The following LAMA1 variants were observed in gnomAD, a reference collection of about 807,000 sequenced individuals.
LAMA1 encodes the protein laminin subunit alpha 1.
A neutral mutation model predicts 348.7 loss-of-function variants in LAMA1; 219 were observed. The observed-to-expected ratio is 0.63, with a 90% CI of 0.56 to 0.70. The LOEUF is 0.70. Among genes scored for constraint, LAMA1 ranks in the 30% least tolerant of loss-of-function variants. LAMA1 has a pLI of 0.00. For missense variants in LAMA1, 3,744 were observed against 3,888.0 expected (o/e 0.96, Z 0.99); for synonymous variants, 1,487 against 1,491.0 (o/e 1.00, Z 0.06).
In LAMA1 at chr18:6,966,279, A is replaced by C; in HGVS notation, c.6918T>G (p.Pro2306=). The change falls in exon 49 of 63, where the codon CCT becomes CCG. Residue 2306 remains proline, a synonymous_variant. Coordinates refer to ENST00000389658, the MANE Select transcript of LAMA1 (RefSeq NM_005559.4). ...GCFGSSQNED[P]SFHFDGSGYS... is the part of the protein sequence containing the mutation. ...ACCCACTCCCGTCAAAATGGAAGGA[A>C]GGGTCTTCATTCTGGGAGCTGCAAA... is the stretch of plus-strand genomic sequence containing the variant. The C allele has an allele frequency of 1.9e-6, 3 of 1,613,884 alleles. No homozygotes were observed. In the South Asian group the frequency reaches 3.3e-5, roughly 18 times the overall value.
At chr18:6,953,133 A>G (rs867226203) in intron 57 of LAMA1, among the ~76,000 whole-genome samples, 13 of 142,762 alleles carry the variant, frequency 9.1e-5, no homozygotes, top group African/African-American at 2.5e-4. Context: ...GCCTGTGTCC[A>G]GCGGATCCAC....
intron 57 of LAMA1, among the ~76,000 whole-genome samples, chr18:6,953,557 A>G (rs1374294050): frequency 6.6e-6 from 1 of 152,186 alleles, no homozygotes; most frequent in Admixed American, 6.5e-5. Context: ...ACTACTCTAC[A>G]GGCACAGACT....
intron 61 of LAMA1, among the ~76,000 whole-genome samples, chr18:6,946,575 C>T (rs1260866718): frequency 2.0e-5 from 3 of 151,900 alleles, no homozygotes; most frequent in Non-Finnish European, 4.4e-5. Context: ...AAAAATTAGC[C>T]GGGTGTGGTG....
In LAMA1 at chr18:6,973,084, A is replaced by T; in HGVS notation, c.6747T>A (p.Phe2249Leu). Residue 2249 changes from phenylalanine (F) to leucine (L), a missense_variant, in exon 47 of 63, where the codon TTT becomes TTA. This residue lies in a region of LAMA1 where 1,983 missense variants were observed against 1,934.3 expected (regional missense o/e 1.03). Transcript: ENST00000389658. Reference sequence around the variant, plus strand: ...TGATTTGTCCTCCAAGACCTCCAACAAACATGAGTGTTGAATTGTTTACAT... The same window carrying T: ...TGATTTGTCCTCCAAGACCTCCAACTAACATGAGTGTTGAATTGTTTACAT... ...VLDVNNSTLM[F>L]VGGLGGQIKK... 6.2e-7 allele frequency: 1 copy of T among 1,614,236 alleles called. No homozygotes were observed. Among genetic ancestry groups the T allele is most frequent in the Non-Finnish European group, 8.5e-7 (1 of 1,180,038 alleles).
intron 8 of LAMA1, 86 bp from the exon 9 acceptor site, chr18:7,042,336 T>A: frequency 2.5e-6 from 2 of 802,098 alleles, no homozygotes; most frequent in Admixed American, 4.0e-5. Flanking sequence ...ATTGGCTTTT[T>A]ACTCAAGATG....
chr18:6,948,266 A>G (rs1235915914), intron 60 of LAMA1, 137 bp downstream of exon 60: 2 of 1,164,996 alleles, frequency 1.7e-6, no homozygotes, highest in Non-Finnish European at 2.5e-6. Flanking sequence ...GAAATTAGGA[A>G]TCAACTGGAA....
rs374277637 is a variant in LAMA1 at position 6,941,952 on chromosome 18, A to G, written c.*127T>C. On this transcript the variant is annotated 3_prime_UTR_variant, in exon 63 of 63. Coordinates refer to ENST00000389658, the MANE Select transcript of LAMA1 (RefSeq NM_005559.4). ...GTGGTTTTAGTGTAACGTAAACACA[A>G]CATCTCTCCCCAGAAACACTTAACC... 8.4e-7 allele frequency: 1 copy of G among 1,191,330 alleles called. No homozygotes were observed. 73.8% of individuals were successfully genotyped at this position (1,191,330 alleles called of 1,614,324 possible).
intron 1 of LAMA1, among the ~76,000 whole-genome samples, chr18:7,111,154 CCAG>C (rs1184770393): frequency 6.6e-6 from 1 of 152,012 alleles, no homozygotes; most frequent in Non-Finnish European, 1.5e-5. Flanking sequence ...GCCTGCTGGG[CCAG>C]CAGATCAGAC....
intron 42 of LAMA1, 63 bp from the exon 43 acceptor site, chr18:6,978,441 C>T (rs529977054): frequency 4.2e-5 from 59 of 1,406,488 alleles, no homozygotes; most frequent in Admixed American, 8.4e-5. Context: ...AAGAATAAAA[C>T]GACAACAAAT....
At position 6,965,393 on chromosome 18, in the gene LAMA1, T is replaced by C. The variant is rs199509318; in HGVS notation, c.7090A>G (p.Lys2364Glu). Residue 2364 changes from lysine (K) to glutamate (E), a missense_variant, in exon 50 of 63, where the codon AAG (lysine) becomes GAG (glutamate). Coordinates refer to ENST00000389658, the MANE Select transcript of LAMA1 (RefSeq NM_005559.4). ...LSIELFRGRV[K>E]VMTDLGSGPI... The stretch of plus-strand genomic sequence containing the variant: ...CCTGAACCCAGGTCAGTCATAACCT[T>C]CACTCTGCCACGAAACAGCTCGATG... 1.9e-5 allele frequency: 31 copies of C among 1,614,046 alleles called. No individual in the cohort carries two copies. Among genetic ancestry groups the C allele is most frequent in the Non-Finnish European group, 2.5e-5 (29 of 1,180,034 alleles).
chr18:7,069,193 A>G, intron 3 of LAMA1, among the ~76,000 whole-genome samples: 1 of 152,226 alleles, frequency 6.6e-6, no homozygotes, highest in East Asian at 1.9e-4. Flanking sequence ...GATAATATGT[A>G]AGCGAGAAAG....
intron 3 of LAMA1, among the ~76,000 whole-genome samples, chr18:7,058,602 A>G (rs2058091329): frequency 6.6e-6 from 1 of 152,206 alleles, no homozygotes; most frequent in African/African-American, 2.4e-5. Context: ...TGGTGTCATA[A>G]GAAAAGCAGA....
chr18:7,071,291 C>G (rs2058144903), intron 3 of LAMA1, among the ~76,000 whole-genome samples: 1 of 152,226 alleles, frequency 6.6e-6, no homozygotes, highest in Admixed American at 6.5e-5. Flanking sequence ...GAGGCGATCA[C>G]TCGCATTCCA....
At chr18:7,078,817 T>C (rs555010312) in intron 3 of LAMA1, among the ~76,000 whole-genome samples, 4 of 151,874 alleles carry the variant, frequency 2.6e-5, no homozygotes, top group African/African-American at 9.6e-5. Flanking sequence ...TGAAATCCTG[T>C]CTACTAAAAA....
chr18:6,943,503 G>A, intron 61 of LAMA1, 101 bp from the exon 62 acceptor site: 7 of 949,918 alleles, frequency 7.4e-6, no homozygotes, highest in South Asian at 6.6e-5. Context: ...TGTTTAAAAG[G>A]AGAGCTAACT....
At chr18:6,957,785 C>CTTTTTTTTTTTTT (rs58835769) in intron 55 of LAMA1, among the ~76,000 whole-genome samples, 1 of 150,760 alleles carries the variant, frequency 6.6e-6, no homozygotes, top group African/African-American at 2.5e-5. Flanking sequence ...GCTTCCAGTT[C>CTTTTTTTTTTTTT]TTTTTTTTTC....
chr18:6,974,840 T>A (rs114092388), intron 46 of LAMA1, 63 bp downstream of exon 46: 17,206 of 1,590,904 alleles, frequency 0.011, 135 homozygotes, highest in Middle Eastern at 0.043. Flanking sequence ...GTTACAAGCA[T>A]GTAATTACTT....
At position 6,958,471 on chromosome 18, in the gene LAMA1, A is replaced by C. The variant is rs921117914; in HGVS notation, c.7964+6T>G. 1 of 1,614,176 alleles carries C rather than the reference A, an allele frequency of 6.2e-7. No individual in the cohort carries two copies. The highest frequency in any genetic ancestry group is 8.5e-7 in the Non-Finnish European group (1 of 1,179,982). Reference sequence around the variant, plus strand: ...GCAAGAACATGCAGAGAGCAGGTACACTTACTCCAAATTGAAGATCAGGTT... The same window carrying C: ...GCAAGAACATGCAGAGAGCAGGTACCCTTACTCCAAATTGAAGATCAGGTT... On this transcript the variant is annotated splice_donor_region_variant and intron_variant, in intron 55 of 62. Transcript: ENST00000389658.
chr18:7,035,996 G>A lies in LAMA1; in HGVS notation c.1830C>T (p.Val610=). The change falls in exon 13 of 63, where the codon GTC becomes GTT. Residue 610 remains valine (V), a synonymous_variant. Coordinates refer to ENST00000389658, the MANE Select transcript of LAMA1 (RefSeq NM_005559.4). ...AAGCAAAAACAATCACCTTAATGATGACGTCAGCATGCGACATGAGGTTAC... is the reference window on the plus strand; with the variant it reads ...AAGCAAAAACAATCACCTTAATGATAACGTCAGCATGCGACATGAGGTTAC... ...VDSNLMSHAD[V]IIKGNGLTLS... 1 of 1,613,080 alleles carries A rather than the reference G, an allele frequency of 6.2e-7. No individual in the cohort carries two copies. The highest frequency in any genetic ancestry group is 8.5e-7 in the Non-Finnish European group (1 of 1,179,010).
Sources: allele counts gnomAD v4.1 joint callset (sites outside exome capture counted in the v4.1 genomes callset), GRCh38; gene constraint gnomAD v4.1.1; regional missense constraint gnomAD v4.1.1; transcripts MANE v1.5; gene names NCBI Gene and HGNC (gene_info 2026-07-23, HGNC 2026-07-21).